Variants in INTS7 observed in about 807,000 individuals in gnomAD.
INTS7 encodes chromosome 1 open reading frame 73.
A neutral mutation model predicts 109.2 loss-of-function variants in INTS7; 46 were observed. The ratio of observed to expected loss-of-function variants is 0.42; its 90% CI spans 0.33 to 0.54. INTS7 has a LOEUF of 0.54. INTS7 is among the 20% of genes least tolerant of loss of function. The probability of loss-of-function intolerance (pLI) is 0.07; values close to 1 mark genes in which losing one functional copy is unlikely to be tolerated. For synonymous variants in INTS7, 412 were observed against 402.9 expected (o/e 1.02, Z -0.27); for missense variants, 929 against 1,132.4 (o/e 0.82, Z 2.58).
chr1:211,965,576 A>G (rs1663834682), intron 16 of INTS7, among the ~76,000 whole-genome samples: 1 of 152,254 alleles, frequency 6.6e-6, no homozygotes, highest in Admixed American at 6.5e-5. Context: ...GACCAGATAA[A>G]GAAAATGTGG....
intron 11 of INTS7, 109 bp downstream of exon 11, chr1:211,978,163 T>G: frequency 1.6e-6 from 2 of 1,258,708 alleles, no homozygotes; most frequent in African/African-American, 1.5e-5. Context: ...ATTTAACCTA[T>G]TGTTTGTTCT....
chr1:212,023,029 C>A (rs565410626), intron 1 of INTS7, among the ~76,000 whole-genome samples: 1 of 152,290 alleles, frequency 6.6e-6, no homozygotes, highest in South Asian at 2.1e-4. Flanking sequence ...CTACATTAAT[C>A]TGCTTAGGGT....
intron 1 of INTS7, among the ~76,000 whole-genome samples, chr1:212,029,927 C>T (rs960239903): frequency 6.6e-5 from 10 of 152,096 alleles, no homozygotes; most frequent in Non-Finnish European, 1.3e-4. Context: ...AGTAAAATGA[C>T]AGTGAAAACT....
chr1:211,995,291 A>C (rs1402302338), intron 7 of INTS7, among the ~76,000 whole-genome samples: 1 of 152,238 alleles, frequency 6.6e-6, no homozygotes, highest in African/African-American at 2.4e-5. Flanking sequence ...ATAAGCAAAA[A>C]AACTTGTTAT....
intron 1 of INTS7, among the ~76,000 whole-genome samples, chr1:212,024,556 C>T (rs1228627630): frequency 6.6e-6 from 1 of 152,192 alleles, no homozygotes; most frequent in Non-Finnish European, 1.5e-5. Context: ...ACACAAACAT[C>T]TGTATGCAAA....
intron 7 of INTS7, among the ~76,000 whole-genome samples, chr1:211,994,450 T>C (rs60875991): frequency 7.5e-6 from 1 of 133,140 alleles, no homozygotes; most frequent in Non-Finnish European, 1.6e-5. Flanking sequence ...TGAGATGGAG[T>C]GTTGCTTTTG....
chr1:212,015,031 G>C (rs550875642), intron 4 of INTS7, among the ~76,000 whole-genome samples: 1 of 151,792 alleles, frequency 6.6e-6, no homozygotes, highest in Non-Finnish European at 1.5e-5. Flanking sequence ...CCTGGCAGCC[G>C]CCCCATCTGG....
intron 7 of INTS7, 150 bp from the exon 8 acceptor site, chr1:211,988,153 T>C (rs2102438348): frequency 4.0e-6 from 2 of 498,610 alleles, no homozygotes; most frequent in East Asian, 7.0e-5. Flanking sequence ...CCAGGTGCAG[T>C]GGCTCATTCT....
chr1:212,018,090 C>G (rs1666519329), intron 3 of INTS7, among the ~76,000 whole-genome samples: 1 of 152,096 alleles, frequency 6.6e-6, no homozygotes, highest in Admixed American at 6.5e-5. Flanking sequence ...CAAAACAGGT[C>G]CTATATGGCA....
chr1:211,988,625 T>G (rs1264924970), intron 7 of INTS7, among the ~76,000 whole-genome samples: 1 of 152,176 alleles, frequency 6.6e-6, no homozygotes, highest in Non-Finnish European at 1.5e-5. Context: ...AGTACTATAC[T>G]ATTGTAACAT....
chr1:211,999,025 T>C (rs1474046865), intron 7 of INTS7, among the ~76,000 whole-genome samples: 1 of 152,208 alleles, frequency 6.6e-6, no homozygotes, highest in Non-Finnish European at 1.5e-5. Flanking sequence ...CTCTTATATA[T>C]GGCTGGTGGG....
chr1:212,020,151 A>G lies in INTS7; in HGVS notation c.342T>C (p.Asn114=). The G allele has an allele frequency of 6.2e-7, 1 of 1,607,726 alleles. No individual in the cohort carries two copies. Among genetic ancestry groups the G allele is most frequent in the South Asian group, 1.1e-5 (1 of 89,714 alleles). The change falls in exon 3 of 20, where the codon AAT becomes AAC. Residue 114 remains asparagine (N), a synonymous_variant. Coordinates refer to ENST00000366994, the MANE Select transcript of INTS7 (RefSeq NM_015434.4). Reference sequence around the variant, plus strand: ...GGGTGATGGCTCTTGCCACAGGATCATTACTATGAATCACAGAAAAAATTC... The same window carrying G: ...GGGTGATGGCTCTTGCCACAGGATCGTTACTATGAATCACAGAAAAAATTC... ...VKRIFSVIHS[N]DPVARAITLR...
At chr1:212,001,887 C>G (rs1665685866) in intron 7 of INTS7, among the ~76,000 whole-genome samples, 1 of 152,182 alleles carries the variant, frequency 6.6e-6, no homozygotes, top group South Asian at 2.1e-4. Context: ...CTTCTCTAGC[C>G]ATATTGTCTC....
At chr1:211,973,409 G>T (rs115852550) in intron 13 of INTS7, among the ~76,000 whole-genome samples, 4,178 of 152,252 alleles carry the variant, frequency 0.027, 81 homozygotes, top group Non-Finnish European at 0.04. Flanking sequence ...ATTAATCATT[G>T]TATTGAGAAA....
At chr1:211,996,500 C>T (rs1397340249) in intron 7 of INTS7, among the ~76,000 whole-genome samples, 2 of 152,038 alleles carry the variant, frequency 1.3e-5, no homozygotes, top group Non-Finnish European at 2.9e-5. Flanking sequence ...CTACAATGGG[C>T]CACAAATAAA....
chr1:211,992,893 G>T (rs983259146), intron 7 of INTS7, among the ~76,000 whole-genome samples: 1 of 152,130 alleles, frequency 6.6e-6, no homozygotes. Context: ...TTCAAATGGA[G>T]TCCTCTGTCT....
chr1:211,978,557 G>A, intron 10 of INTS7, 46 bp from the exon 11 acceptor site: 1 of 1,608,618 alleles, frequency 6.2e-7, no homozygotes, highest in Non-Finnish European at 8.5e-7. Flanking sequence ...TGAAGATACA[G>A]ATGAAGCTTT....
intron 8 of INTS7, among the ~76,000 whole-genome samples, chr1:211,985,117 T>C (rs1252737927): frequency 1.3e-5 from 2 of 152,204 alleles, no homozygotes; most frequent in Non-Finnish European, 2.9e-5. Flanking sequence ...AAATCATCTA[T>C]GTACAAGTTT....
At chr1:211,999,242 C>T (rs772982469) in intron 7 of INTS7, among the ~76,000 whole-genome samples, 13 of 152,076 alleles carry the variant, frequency 8.5e-5, no homozygotes, top group Non-Finnish European at 1.3e-4. Context: ...TATGAACAGA[C>T]AAATTGTTGT....
Sources: allele counts gnomAD v4.1 joint callset (sites outside exome capture counted in the v4.1 genomes callset), GRCh38; gene constraint gnomAD v4.1.1; transcripts MANE v1.5; gene names NCBI Gene and HGNC (gene_info 2026-07-23, HGNC 2026-07-21).